PRDM15: variants seen among roughly 807,000 people sequenced by gnomAD.
The protein encoded by PRDM15 is PR domain zinc finger protein 15.
In PRDM15, 64 loss-of-function variants were observed where a neutral mutation model predicts 128.6. The observed-to-expected ratio is 0.50, with a 90% confidence interval of 0.41 to 0.61. PRDM15 has a LOEUF of 0.61. Among genes scored for constraint, PRDM15 ranks in the 20% least tolerant of loss-of-function variants. PRDM15 has a pLI of 0.00. For synonymous variants in PRDM15, 615 were observed against 621.8 expected (o/e 0.99, Z 0.16); for missense variants, 1,242 against 1,569.1 (o/e 0.79, Z 3.52).
chr21:41,799,691 T>C lies in PRDM15; in HGVS notation c.*1549A>G, dbSNP rs13046204. The C allele has an allele frequency of 0.2, 30,223 of 152,490 alleles. 3,091 individuals are homozygous for C. The highest frequency in any genetic ancestry group is 0.23 in the African/African-American group (9,457 of 41,520). The allele number at this position is 152,490 out of a possible 1,614,324, so 9.4% of individuals were successfully genotyped here. A position where few individuals can be genotyped will look rare whatever the true frequency, so the allele number is the denominator to read the frequency against. The stretch of plus-strand genomic sequence containing the variant: ...TGAAAAACACAATCATCCTTTGTTC[T>C]GCTGGCAACATCAGGACTGCTCCTG... On this transcript the variant is annotated 3_prime_UTR_variant, in exon 24 of 24. Coordinates refer to ENST00000398548, the MANE Select transcript of PRDM15 (RefSeq NM_001040424.3).
chr21:41,856,933 T>G lies in PRDM15; in HGVS notation c.285+243A>C, dbSNP rs763529539. On this transcript the variant is annotated intron_variant, in intron 4 of 23. Coordinates refer to ENST00000398548, the MANE Select transcript of PRDM15 (RefSeq NM_001040424.3). The stretch of plus-strand genomic sequence containing the variant: ...TCAGCATTTGGGTTTCTCCTGCATA[T>G]GTCTTAAACACACTCTTTAGTGTTC... Among the ~76,000 whole-genome samples the G allele has an allele frequency of 5.3e-5, 8 of 152,218 alleles. 1 individual carries two copies. Among genetic ancestry groups the G allele is most frequent in the Admixed American group, 5.2e-4 (8 of 15,288 alleles).
intron 21 of PRDM15, among the ~76,000 whole-genome samples, chr21:41,807,638 C>G (rs906036037): frequency 6.6e-6 from 1 of 152,084 alleles, no homozygotes; most frequent in Non-Finnish European, 1.5e-5. Context: ...CTACCCAGAC[C>G]GTAAAGTCCA....
At chr21:41,824,603 G>A (rs28630571) in intron 13 of PRDM15, among the ~76,000 whole-genome samples, 10,282 of 152,294 alleles carry the variant, frequency 0.068, 394 homozygotes, top group Non-Finnish European at 0.082. Flanking sequence ...AGGGGCAGAG[G>A]TCAGTGGACA....
intron 1 of PRDM15, among the ~76,000 whole-genome samples, chr21:41,871,216 C>T (rs943757705): frequency 6.6e-6 from 1 of 152,138 alleles, no homozygotes; most frequent in African/African-American, 2.4e-5. Flanking sequence ...TTCTACAGGC[C>T]GGCAGTAACT....
Position 41,836,182 on chromosome 21 carries a change from C to T in PRDM15, c.1209G>A (p.Glu403=). ...SHGDKLFKCE[E]CAKLFSRKES... ...CTTTGCGGCTGAACAATTTTGCACA[C>T]TCTTCGCACTTAAACAGCTTGTCAC... Residue 403 remains glutamate (E), a synonymous_variant, in exon 10 of 24, where the codon GAG becomes GAA. Coordinates refer to ENST00000398548, the MANE Select transcript of PRDM15 (RefSeq NM_001040424.3). 6.2e-7 allele frequency: 1 copy of T among 1,614,070 alleles called. No homozygotes were observed. Among genetic ancestry groups the T allele is most frequent in the Non-Finnish European group, 8.5e-7 (1 of 1,180,002 alleles).
At position 41,799,504 on chromosome 21, in the gene PRDM15, T is replaced by C. The variant is rs2061369334; in HGVS notation, c.*1736A>G. ...CTGAGAGGTGAGAGCTAGGCGCGAGTGATGGTGGGTAAGGTGAGGAGGTGA... is the reference window on the plus strand; with the variant it reads ...CTGAGAGGTGAGAGCTAGGCGCGAGCGATGGTGGGTAAGGTGAGGAGGTGA... On this transcript the variant is annotated 3_prime_UTR_variant, in exon 24 of 24. Transcript: ENST00000398548. 6.6e-6 allele frequency: 1 copy of C among 152,060 alleles called. No individual in the cohort carries two copies. Among genetic ancestry groups the C allele is most frequent in the Non-Finnish European group, 1.5e-5 (1 of 68,026 alleles). 9.4% of individuals were successfully genotyped at this position (152,060 alleles called of 1,614,324 possible).
intron 11 of PRDM15, 114 bp downstream of exon 11, chr21:41,835,323 G>A (rs1002188839): frequency 3.6e-5 from 30 of 833,640 alleles, no homozygotes; most frequent in Admixed American, 1.8e-4. Context: ...TAAAAGTGAG[G>A]CTGTCTATTC....
chr21:41,799,383 G>A lies in PRDM15; in HGVS notation c.*1857C>T, dbSNP rs1369678752. The A allele has an allele frequency of 6.6e-6, 1 of 152,192 alleles. No individual in the cohort carries two copies. The highest frequency in any genetic ancestry group is 1.5e-5 in the Non-Finnish European group (1 of 68,036). 9.4% of individuals were successfully genotyped at this position (152,192 alleles called of 1,614,324 possible). On this transcript the variant is annotated 3_prime_UTR_variant, in exon 24 of 24. Coordinates refer to ENST00000398548, the MANE Select transcript of PRDM15 (RefSeq NM_001040424.3). ...CACCCCAAGCCCGAATTCATTTGAT[G>A]AGACTACTATGTATAAAACAGTTAA...
intron 21 of PRDM15, among the ~76,000 whole-genome samples, chr21:41,805,386 C>T (rs1250205927): frequency 6.6e-6 from 1 of 152,170 alleles, no homozygotes; most frequent in Non-Finnish European, 1.5e-5. Context: ...AACAGCTTTG[C>T]AAACATCTTT....
intron 11 of PRDM15, among the ~76,000 whole-genome samples, chr21:41,833,367 T>C (rs11910245): frequency 0.033 from 4,968 of 152,070 alleles, 270 homozygotes; most frequent in African/African-American, 0.11. Flanking sequence ...CGAGAGAGGG[T>C]GACACAAAGG....
At chr21:41,861,563 C>T (rs148535183) in intron 1 of PRDM15, 25 of 1,607,580 alleles carry the variant, frequency 1.6e-5, no homozygotes, top group Middle Eastern at 1.9e-4. Context: ...CTGTGCGCAC[C>T]GGCATGTCCT....
At position 41,806,470 on chromosome 21, in the gene PRDM15, G is replaced by C. The variant is rs867855912; in HGVS notation, c.2653-1856C>G. 3.9e-3 allele frequency among the ~76,000 whole-genome samples: 100 copies of C among 25,724 alleles called. 1 individual carries two copies. The highest frequency in any genetic ancestry group is 0.01 in the East Asian group (6 of 590). The allele number at this position is 25,724 out of a possible 152,430, so 16.9% of individuals were successfully genotyped here. ...CCACCACCCATCACCATCACCACCAGCACCACCCATTACTACCACCACCAT... is the reference window on the plus strand; with the variant it reads ...CCACCACCCATCACCATCACCACCACCACCACCCATTACTACCACCACCAT... On this transcript the variant is annotated intron_variant, in intron 21 of 23. Coordinates refer to ENST00000398548, the MANE Select transcript of PRDM15 (RefSeq NM_001040424.3).
At chr21:41,878,555 G>A (rs897792897) in intron 1 of PRDM15, 111 of 453,528 alleles carry the variant, frequency 2.4e-4, no homozygotes, top group South Asian at 6.1e-4. Context: ...CCTCACCTGA[G>A]CGGCCGGGCA....
chr21:41,801,335 C>T lies in PRDM15; in HGVS notation c.3331G>A (p.Val1111Ile), dbSNP rs754431165. 26 of 1,591,504 alleles carry T rather than the reference C, an allele frequency of 1.6e-5. No individual in the cohort carries two copies. The highest frequency in any genetic ancestry group is 1.4e-4 in the Admixed American group (8 of 58,754). The stretch of plus-strand genomic sequence containing the variant: ...GCCTGCGGCTGCGAGGGTGGCAAGA[C>T]GTCAGTCTGGGGCACTGCCCGCCAC... ...LTWRAVPQTD[V>I]LPPSQPQAPP... Residue 1111 changes from valine (V) to isoleucine (I), a missense_variant, in exon 24 of 24, where the codon GTC becomes ATC. Physicochemically the swap from Val to Ile is conservative, Grantham distance 29 (BLOSUM62 3). This residue lies in a region of PRDM15 where 602 missense variants were observed against 788.3 expected (regional missense o/e 0.76). Coordinates refer to ENST00000398548, the MANE Select transcript of PRDM15 (RefSeq NM_001040424.3).
rs146699277 is a variant in PRDM15 at position 41,810,313 on chromosome 21, C to T, written c.2493G>A (p.Thr831=). ...CGTACTTCTTGTCGCACACGGAGCA[C>T]GTCCACTGCTTGCCCACTTTTCACA... ...KLIHTVGKQW[T]CSVCDKKYVT... is the part of the protein sequence containing the mutation. The change falls in exon 21 of 24, where the codon ACG becomes ACA. Residue 831 remains threonine (T), a synonymous_variant. Transcript: ENST00000398548. This position sits in a 1 kb window ranked among gnomAD's most constrained non-coding sequence, Gnocchi z 6.4. 1.4e-3 allele frequency: 2,283 copies of T among 1,613,058 alleles called. 13 individuals are homozygous for T. The highest frequency in any genetic ancestry group is 3.3e-3 in the South Asian group (299 of 90,924).
intron 1 of PRDM15, chr21:41,878,703 A>G (rs1352289662): frequency 7.0e-6 from 11 of 1,569,856 alleles, no homozygotes; most frequent in South Asian, 1.1e-5. Context: ...ACCAGGACTC[A>G]GCTTCTCTAA....
chr21:41,867,610 G>T (rs550319345), intron 1 of PRDM15, among the ~76,000 whole-genome samples: 1 of 152,168 alleles, frequency 6.6e-6, no homozygotes, highest in East Asian at 1.9e-4. Flanking sequence ...TTGAAAAACC[G>T]TTTTGAGGAT....
At chr21:41,808,834 C>T (rs1210530705) in intron 21 of PRDM15, among the ~76,000 whole-genome samples, 2 of 152,208 alleles carry the variant, frequency 1.3e-5, no homozygotes, top group Admixed American at 6.5e-5. Context: ...TAAACTATCA[C>T]TAATTGAATC....
chr21:41,820,307 T>C, intron 16 of PRDM15, 133 bp from the exon 17 acceptor site: 2 of 685,944 alleles, frequency 2.9e-6, no homozygotes, highest in South Asian at 1.7e-5. Flanking sequence ...GAAGCAGATA[T>C]TTGAGCCTCT....
Sources: gnomAD v4.1 joint callset for allele counts (sites outside exome capture counted in the v4.1 genomes callset) on GRCh38, gnomAD v4.1.1 for gene constraint, gnomAD v4.1.1 regional missense constraint, Gnocchi (gnomAD v3.1) non-coding constraint, MANE v1.5 for transcripts, NCBI Gene and HGNC (gene_info 2026-07-23, HGNC 2026-07-21) for gene names.